Variants in KCNK13 observed in about 807,000 individuals in gnomAD.
KCNK13 encodes the protein potassium channel subfamily K member 13.
Under a neutral mutation model 23.4 loss-of-function variants are expected in KCNK13, and 12 were observed. The ratio of observed to expected loss-of-function variants is 0.51; its 90% CI spans 0.33 to 0.83. The LOEUF is 0.83. Ranked by LOEUF, KCNK13 falls within the 40% of genes least tolerant of loss-of-function variation. The probability of loss-of-function intolerance (pLI) is 0.02; values close to 1 mark genes in which losing one functional copy is unlikely to be tolerated. For missense variants in KCNK13, 463 were observed against 556.3 expected (o/e 0.83, Z 1.69); for synonymous variants, 231 against 229.5 (o/e 1.01, Z -0.06).
rs185270135 is a variant in KCNK13 at position 90,166,969 on chromosome 14, A to G, written c.335-17142A>G. Among the ~76,000 whole-genome samples the G allele has an allele frequency of 3.9e-5, 6 of 152,310 alleles. No individual in the cohort carries two copies. In the East Asian group the frequency reaches 9.7e-4, roughly 25 times the overall value. On this transcript the variant is annotated intron_variant, in intron 1 of 1. Transcript: ENST00000282146. ...ACAACCAGAATAAGTTGTGGGCATG[A>G]CACAGTGAGGTTATTAACTGGGTCT...
At chr14:90,125,599 GCACACACACA>G (rs35452662) in intron 1 of KCNK13, among the ~76,000 whole-genome samples, 19 of 64,586 alleles carry the variant, frequency 2.9e-4, no homozygotes, top group African/African-American at 1.1e-3. Flanking sequence ...ACACACACAC[GCACACACACA>G]CACACACACA....
At chr14:90,131,307 C>T (rs1889868056) in intron 1 of KCNK13, among the ~76,000 whole-genome samples, 1 of 152,098 alleles carries the variant, frequency 6.6e-6, no homozygotes, top group South Asian at 2.1e-4. Context: ...TCTCAGCTCA[C>T]TGCAACCTCT....
intron 1 of KCNK13, among the ~76,000 whole-genome samples, chr14:90,119,231 A>G (rs1019356834): frequency 6.6e-6 from 1 of 152,198 alleles, no homozygotes; most frequent in Non-Finnish European, 1.5e-5. Flanking sequence ...AGAGCTGGTA[A>G]CATTCCTACT....
In KCNK13 at chr14:90,126,321, C is replaced by T. The variant is rs1014196585; in HGVS notation, c.335-57790C>T. Among the ~76,000 whole-genome samples the T allele has an allele frequency of 5.9e-5, 9 of 152,168 alleles. No individual in the cohort carries two copies. The South Asian group carries it at 8.3e-4, about 14-fold the overall frequency. On this transcript the variant is annotated intron_variant, in intron 1 of 1. Transcript: ENST00000282146. Reference sequence around the variant, plus strand: ...AGCACAATATGGAAACAGCACGGGCCGAGGAATGTCTAACTTTGCAGTGGA... The same window carrying T: ...AGCACAATATGGAAACAGCACGGGCTGAGGAATGTCTAACTTTGCAGTGGA...
At chr14:90,173,531 G>A (rs1031729280) in intron 1 of KCNK13, among the ~76,000 whole-genome samples, 2 of 152,024 alleles carry the variant, frequency 1.3e-5, no homozygotes, top group Non-Finnish European at 2.9e-5. Flanking sequence ...AAATGTTATC[G>A]AACTGAACTG....
chr14:90,174,245 G>T (rs1166181958), intron 1 of KCNK13, among the ~76,000 whole-genome samples: 1 of 152,146 alleles, frequency 6.6e-6, no homozygotes, highest in Non-Finnish European at 1.5e-5. Context: ...GGGAGGTGGA[G>T]CTTGCAGTGA....
At chr14:90,126,437 C>T (rs1221861369) in intron 1 of KCNK13, among the ~76,000 whole-genome samples, 4 of 101,554 alleles carry the variant, frequency 3.9e-5, no homozygotes, top group African/African-American at 1.5e-4. Flanking sequence ...CTTGATGTGA[C>T]GTGATGTGAC....
chr14:90,089,837 G>A (rs1166283945), intron 1 of KCNK13, among the ~76,000 whole-genome samples: 1 of 152,236 alleles, frequency 6.6e-6, no homozygotes, highest in Non-Finnish European at 1.5e-5. Context: ...GGCTTCAGAG[G>A]GTGCAAGCCC....
chr14:90,104,651 T>C (rs147667517), intron 1 of KCNK13, among the ~76,000 whole-genome samples: 1 of 151,508 alleles, frequency 6.6e-6, no homozygotes, highest in African/African-American at 2.4e-5. Context: ...CCACATATCC[T>C]CCTGGGATGG....
intron 1 of KCNK13, among the ~76,000 whole-genome samples, chr14:90,155,561 A>G (rs1890183955): frequency 6.6e-6 from 1 of 152,172 alleles, no homozygotes; most frequent in Non-Finnish European, 1.5e-5. Flanking sequence ...TTCAGGGAAA[A>G]CAGAATATTT....
chr14:90,110,234 C>G (rs746902314), intron 1 of KCNK13, among the ~76,000 whole-genome samples: 4 of 151,566 alleles, frequency 2.6e-5, no homozygotes, highest in African/African-American at 4.8e-5. Context: ...GCACCTGAGC[C>G]GGTGCGGTGG....
At chr14:90,130,269 G>A (rs890472623) in intron 1 of KCNK13, among the ~76,000 whole-genome samples, 1 of 151,452 alleles carries the variant, frequency 6.6e-6, no homozygotes, top group Non-Finnish European at 1.5e-5. Flanking sequence ...GTGCAATCTC[G>A]GCTCACTGCA....
At chr14:90,147,154 C>T (rs1318725600) in intron 1 of KCNK13, among the ~76,000 whole-genome samples, 1 of 152,100 alleles carries the variant, frequency 6.6e-6, no homozygotes, top group Non-Finnish European at 1.5e-5. Flanking sequence ...TATGTTTGTA[C>T]ATTGTTTTAG....
At chr14:90,113,864 T>G (rs537865657) in intron 1 of KCNK13, among the ~76,000 whole-genome samples, 1 of 151,456 alleles carries the variant, frequency 6.6e-6, no homozygotes, top group African/African-American at 2.4e-5. Flanking sequence ...ACCCAGGAGG[T>G]GGAGGTTGCA....
intron 1 of KCNK13, among the ~76,000 whole-genome samples, chr14:90,174,880 A>G (rs1406327887): frequency 6.6e-6 from 1 of 151,772 alleles, no homozygotes; most frequent in Non-Finnish European, 1.5e-5. Context: ...TAAATAAATA[A>G]TAAATAAAAT....
intron 1 of KCNK13, among the ~76,000 whole-genome samples, chr14:90,116,672 C>G (rs1158215975): frequency 1.3e-5 from 2 of 152,156 alleles, no homozygotes; most frequent in African/African-American, 2.4e-5. Flanking sequence ...TGCAAAGGTT[C>G]CCCTTGCCCC....
In KCNK13 at chr14:90,141,539, C is replaced by A. The variant is rs188338169; in HGVS notation, c.335-42572C>A. On this transcript the variant is annotated intron_variant, in intron 1 of 1. Transcript: ENST00000282146. ...ATGGCACGATCTTGGCTCACTGCAA[C>A]CTCTGCCTCCAGGGTTCAAGCAATT... is the stretch of plus-strand genomic sequence containing the variant. Among the ~76,000 whole-genome samples, 253 of 152,052 alleles carry A rather than the reference C, an allele frequency of 1.7e-3. 3 individuals carry two copies. The highest frequency in any genetic ancestry group is 3.1e-3 in the South Asian group (15 of 4,814).
chr14:90,165,253 T>A (rs1890290480), intron 1 of KCNK13, among the ~76,000 whole-genome samples: 4 of 152,064 alleles, frequency 2.6e-5, no homozygotes, highest in Admixed American at 2.6e-4. Flanking sequence ...GGCCAAACCA[T>A]ATCAGGGCCA....
chr14:90,101,260 G>A (rs929528740), intron 1 of KCNK13, among the ~76,000 whole-genome samples: 5 of 152,074 alleles, frequency 3.3e-5, no homozygotes, highest in East Asian at 1.9e-4. Context: ...CTCTGAAATC[G>A]CTTCTGGCAC....
Sources: gnomAD v4.1 joint callset for allele counts (sites outside exome capture counted in the v4.1 genomes callset) on GRCh38, gnomAD v4.1.1 for gene constraint, MANE v1.5 for transcripts, NCBI Gene and HGNC (gene_info 2026-07-23, HGNC 2026-07-21) for gene names.